Variants in DAP observed in about 807,000 individuals in gnomAD.
The protein encoded by DAP is death-associated protein 1.
Under a neutral mutation model 13.8 loss-of-function variants are expected in DAP, and 8 were observed. The ratio of observed to expected loss-of-function variants is 0.58; its 90% CI spans 0.34 to 1.05. The LOEUF is 1.05. DAP is among the 50% of genes least tolerant of loss of function. The probability of loss-of-function intolerance (pLI) is 0.03; values close to 1 mark genes in which losing one functional copy is unlikely to be tolerated. For missense variants in DAP, 106 were observed against 133.2 expected (o/e 0.80, Z 1.01); for synonymous variants, 47 against 47.5 (o/e 0.99, Z 0.04).
At chr5:10,713,204 A>C (rs754859043) in intron 2 of DAP, among the ~76,000 whole-genome samples, 18 of 152,192 alleles carry the variant, frequency 1.2e-4, no homozygotes, top group Non-Finnish European at 1.8e-4. Flanking sequence ...CAGGGTGGGG[A>C]AACTGGAATC....
At chr5:10,683,306 C>T in intron 3 of DAP, 1 of 618,870 alleles carries the variant, frequency 1.6e-6, no homozygotes, top group South Asian at 1.8e-5. Context: ...TGTTGGGTCT[C>T]ACCAGACGGC....
At chr5:10,681,735 AG>A (rs1400155130) in intron 3 of DAP, among the ~76,000 whole-genome samples, 1 of 150,776 alleles carries the variant, frequency 6.6e-6, no homozygotes, top group Admixed American at 6.6e-5. Context: ...GCGTCCCTAC[AG>A]GAAGCATGGC....
At chr5:10,739,927 G>C (rs1739715489) in intron 2 of DAP, among the ~76,000 whole-genome samples, 1 of 151,864 alleles carries the variant, frequency 6.6e-6, no homozygotes, top group Admixed American at 6.6e-5. Context: ...TACACACCAG[G>C]TTTTACTTTA....
intron 3 of DAP, among the ~76,000 whole-genome samples, chr5:10,682,607 G>A (rs1262714340): frequency 6.6e-6 from 1 of 152,262 alleles, no homozygotes; most frequent in African/African-American, 2.4e-5. Context: ...CAGCGTCCCT[G>A]CAGGGCAGGC....
At chr5:10,693,143 C>CAG (rs1002985780) in intron 2 of DAP, among the ~76,000 whole-genome samples, 1 of 144,152 alleles carries the variant, frequency 6.9e-6, no homozygotes, top group African/African-American at 2.6e-5. Flanking sequence ...CACACACACA[C>CAG]ACACACACAC....
intron 2 of DAP, among the ~76,000 whole-genome samples, chr5:10,722,789 G>A (rs181268384): frequency 2.6e-5 from 4 of 152,022 alleles, no homozygotes; most frequent in Admixed American, 6.6e-5. Flanking sequence ...CAATAGCAAC[G>A]CCCTTCTCAC....
At chr5:10,731,640 A>T (rs1739464458) in intron 2 of DAP, among the ~76,000 whole-genome samples, 1 of 152,070 alleles carries the variant, frequency 6.6e-6, no homozygotes, top group Admixed American at 6.5e-5. Flanking sequence ...TGACTTCCCA[A>T]CCTCCATGCC....
intron 2 of DAP, among the ~76,000 whole-genome samples, chr5:10,685,270 A>AT (rs144766789): frequency 0.019 from 893 of 47,672 alleles, 16 homozygotes; most frequent in African/African-American, 0.13. Context: ...CCCAGGTTGG[A>AT]TTTTTTTCCC....
chr5:10,706,700 C>T (rs937560652), intron 2 of DAP, among the ~76,000 whole-genome samples: 1 of 152,102 alleles, frequency 6.6e-6, no homozygotes, highest in Non-Finnish European at 1.5e-5. Flanking sequence ...AAATGATGAT[C>T]GGATTTGATA....
At chr5:10,700,112 T>G (rs367842981) in intron 2 of DAP, among the ~76,000 whole-genome samples, 4 of 152,172 alleles carry the variant, frequency 2.6e-5, no homozygotes, top group African/African-American at 7.2e-5. Context: ...TGTGACATAC[T>G]TCTAGGGAGC....
At chr5:10,749,905 G>A (rs1185283678) in intron 1 of DAP, among the ~76,000 whole-genome samples, 3 of 152,094 alleles carry the variant, frequency 2.0e-5, no homozygotes, top group Non-Finnish European at 4.4e-5. Flanking sequence ...GTTCCTCCAC[G>A]CCCTCAGCTA....
intron 2 of DAP, among the ~76,000 whole-genome samples, chr5:10,693,117 TGCACAC>T (rs1160109664): frequency 0.01 from 927 of 91,890 alleles, 28 homozygotes; most frequent in Admixed American, 0.085. Context: ...GGGAGAAACA[TGCACAC>T]GCACACACAC....
chr5:10,759,874 C>A (rs12332146), intron 1 of DAP, among the ~76,000 whole-genome samples: 3,159 of 150,850 alleles, frequency 0.021, 132 homozygotes, highest in African/African-American at 0.073. Flanking sequence ...CCTGCCTCGG[C>A]CTCCTGAATA....
intron 2 of DAP, among the ~76,000 whole-genome samples, chr5:10,747,383 C>A (rs1238553055): frequency 2.0e-5 from 3 of 152,180 alleles, no homozygotes; most frequent in Non-Finnish European, 4.4e-5. Context: ...TGCAAGGAGA[C>A]CCCTGTGCAG....
intron 2 of DAP, among the ~76,000 whole-genome samples, chr5:10,731,457 C>G (rs1739459491): frequency 6.6e-6 from 1 of 152,192 alleles, no homozygotes; most frequent in Admixed American, 6.5e-5. Flanking sequence ...TGTGAGGGTT[C>G]CTGAACCTCA....
intron 2 of DAP, among the ~76,000 whole-genome samples, chr5:10,690,864 T>C: frequency 6.6e-6 from 1 of 152,222 alleles, no homozygotes; most frequent in East Asian, 1.9e-4. Context: ...CCAACCTGTT[T>C]TCCACAGCGG....
At chr5:10,701,495 T>C (rs1738574096) in intron 2 of DAP, among the ~76,000 whole-genome samples, 1 of 152,084 alleles carries the variant, frequency 6.6e-6, no homozygotes, top group Admixed American at 6.5e-5. Flanking sequence ...AGTACAAACA[T>C]ACTGTGCATT....
intron 2 of DAP, among the ~76,000 whole-genome samples, chr5:10,687,412 T>C (rs1738182640): frequency 6.6e-6 from 1 of 152,228 alleles, no homozygotes; most frequent in Admixed American, 6.5e-5. Flanking sequence ...AGAATACTCA[T>C]GATTCATGGG....
intron 2 of DAP, among the ~76,000 whole-genome samples, chr5:10,702,473 C>G (rs543728818): frequency 6.6e-6 from 1 of 152,302 alleles, no homozygotes; most frequent in Non-Finnish European, 1.5e-5. Flanking sequence ...TCTGGAGTCC[C>G]CAAGCAAATG....
Sources: allele counts gnomAD v4.1 joint callset (sites outside exome capture counted in the v4.1 genomes callset), GRCh38; gene constraint gnomAD v4.1.1; transcripts MANE v1.5; gene names NCBI Gene and HGNC (gene_info 2026-07-23, HGNC 2026-07-21).